EML5: variants seen among roughly 807,000 people sequenced by gnomAD.
The protein encoded by EML5 is EMAP like 5.
EML5 carries 120 observed loss-of-function variants against 250.0 expected under a neutral mutation model. The observed-to-expected ratio is 0.48, with a 90% CI of 0.41 to 0.56. EML5 has a LOEUF of 0.56. Among genes scored for constraint, EML5 ranks in the 20% least tolerant of loss-of-function variants. The pLI is 0.00. For missense variants in EML5, 2,006 were observed against 2,437.6 expected, an observed-to-expected ratio of 0.82 and a Z score of 3.73; for synonymous variants, 771 against 806.5, an observed-to-expected ratio of 0.96 and a Z score of 0.75.
At chr14:88,632,060 C>G (rs12587200) in intron 33 of EML5, among the ~76,000 whole-genome samples, 35,131 of 152,036 alleles carry the variant, frequency 0.23, 4,272 homozygotes, top group East Asian at 0.37. Context: ...AATTTCACTC[C>G]TTATATCTGT....
At chr14:88,714,743 T>C (rs2093464894) in intron 9 of EML5, among the ~76,000 whole-genome samples, 196 bp downstream of exon 9, 1 of 152,166 alleles carries the variant, frequency 6.6e-6, no homozygotes, top group African/African-American at 2.4e-5. Context: ...GGCAGCCTTA[T>C]TGTATTATAT....
rs1438466529 is a variant in EML5, at chr14:88,754,665, T to C, written c.204A>G (p.Ala68=). Reference sequence around the variant, plus strand: ...CTACCAACACTCGTTCAGGATGCAATGCAAGGCTGTAAAATAAGGAAATAA... The same window carrying C: ...CTACCAACACTCGTTCAGGATGCAACGCAAGGCTGTAAAATAAGGAAATAA... The part of the protein sequence containing the change: ...RGHSDDIISL[A]LHPERVLVAT... The change falls in exon 2 of 44, where the codon GCA becomes GCG. Residue 68 remains alanine, a synonymous_variant. Transcript: ENST00000554922. 1.9e-6 allele frequency: 3 copies of C among 1,604,492 alleles called. No individual in the cohort carries two copies. Among genetic ancestry groups the C allele is most frequent in the Non-Finnish European group, 2.6e-6 (3 of 1,176,246 alleles).
intron 25 of EML5, among the ~76,000 whole-genome samples, chr14:88,658,958 G>A (rs1378943010): frequency 6.6e-6 from 1 of 151,952 alleles, no homozygotes; most frequent in East Asian, 1.9e-4. Context: ...GATTGCTTTG[G>A]TACACATATA....
chr14:88,744,013 C>T lies in EML5; in HGVS notation c.525+10G>A, dbSNP rs759909036. On this transcript the variant is annotated intron_variant, in intron 4 of 43. Coordinates refer to ENST00000554922, the MANE Select transcript of EML5 (RefSeq NM_183387.3). ...AACGTGACTATTATAAAACAAGACC[C>T]TTCTAGTACCTTGATATGTTTTACA... is the stretch of plus-strand genomic sequence containing the variant. 5 of 1,544,460 alleles carry T rather than the reference C, an allele frequency of 3.2e-6. No homozygotes were observed. The African/African-American group carries it at 5.4e-5, about 17-fold the overall frequency.
At position 88,621,399 on chromosome 14, in the gene EML5, CT is replaced by C. The variant is rs755515962; in HGVS notation, c.5014-99del. 9 of 1,479,756 alleles carry C rather than the reference CT, an allele frequency of 6.1e-6. No individual in the cohort carries two copies. The Admixed American group carries it at 1.6e-4, about 26-fold the overall frequency. 91.7% of individuals were successfully genotyped at this position (1,479,756 alleles called of 1,614,324 possible). On this transcript the variant is annotated intron_variant, in intron 37 of 43. Coordinates refer to ENST00000554922, the MANE Select transcript of EML5 (RefSeq NM_183387.3). ...ACCCTATTGACCTGCTTTCAGAGAA[CT>C]TTTTGCTTTGAGCTAATCTAGTAGC...
At position 88,709,185 on chromosome 14, in the gene EML5, C is replaced by A. The variant is rs550072888; in HGVS notation, c.1658-2759G>T. Among the ~76,000 whole-genome samples, 7 of 151,684 alleles carry A rather than the reference C, an allele frequency of 4.6e-5. No homozygotes were observed. The South Asian group carries it at 1.5e-3, about 32-fold the overall frequency. On this transcript the variant is annotated intron_variant, in intron 10 of 43. Coordinates refer to ENST00000554922, the MANE Select transcript of EML5 (RefSeq NM_183387.3). ...TAAATATATGAAAATATCTTTCTGA[C>A]CCTAGTAAAAGTAAGAATTTCTTAA...
At chr14:88,705,924 T>A (rs1595594647) in intron 11 of EML5, 1 of 543,008 alleles carries the variant, frequency 1.8e-6, no homozygotes, top group East Asian at 4.2e-5. Flanking sequence ...ACAGATGAAT[T>A]GACATTAGAT....
intron 21 of EML5, among the ~76,000 whole-genome samples, chr14:88,666,466 A>G (rs897479845): frequency 6.6e-6 from 1 of 151,748 alleles, no homozygotes; most frequent in African/African-American, 2.4e-5. Context: ...CCTCAGGTGA[A>G]CCACCTGCCT....
At chr14:88,779,660 C>T (rs2094477909) in intron 1 of EML5, among the ~76,000 whole-genome samples, 1 of 152,174 alleles carries the variant, frequency 6.6e-6, no homozygotes, top group Non-Finnish European at 1.5e-5. Context: ...ATATCCTCTG[C>T]TCTCTGATGT....
At chr14:88,658,068 A>G in intron 26 of EML5, 119 bp downstream of exon 26, 1 of 999,354 alleles carries the variant, frequency 1.0e-6, no homozygotes, top group Non-Finnish European at 1.4e-6. Flanking sequence ...TAAACAGACT[A>G]AAAACAGTAC....
At chr14:88,658,447 C>T in intron 25 of EML5, 59 bp from the exon 26 acceptor site, 1 of 1,332,268 alleles carries the variant, frequency 7.5e-7, no homozygotes, top group Non-Finnish European at 1.0e-6. Context: ...TAAATATTTC[C>T]ATTATGATTT....
chr14:88,736,627 G>T, intron 6 of EML5, 62 bp from the exon 7 acceptor site: 9 of 1,521,344 alleles, frequency 5.9e-6, no homozygotes, highest in Non-Finnish European at 8.1e-6. Context: ...GCAGGAGGCA[G>T]ACAAATCCCT....
chr14:88,651,661 T>C (rs1052039915), intron 27 of EML5, among the ~76,000 whole-genome samples: 1 of 152,036 alleles, frequency 6.6e-6, no homozygotes, highest in Admixed American at 6.6e-5. Context: ...TAATTTTCCT[T>C]AAGTCATATT....
intron 33 of EML5, among the ~76,000 whole-genome samples, chr14:88,631,922 C>T (rs1019352448): frequency 2.6e-5 from 4 of 152,200 alleles, no homozygotes; most frequent in Admixed American, 1.3e-4. Context: ...ACCTAATACT[C>T]ATTCCCCACC....
intron 21 of EML5, 45 bp downstream of exon 21, chr14:88,681,845 A>G: frequency 6.5e-7 from 1 of 1,540,544 alleles, no homozygotes; most frequent in South Asian, 1.3e-5. Context: ...AAAGGTTAGA[A>G]AACTGTGAGA....
At chr14:88,636,720 G>A (rs1478075640) in intron 32 of EML5, among the ~76,000 whole-genome samples, 2 of 152,138 alleles carry the variant, frequency 1.3e-5, no homozygotes, top group Admixed American at 1.3e-4. Context: ...TATGCTAGCT[G>A]TCTCCAAAAC....
At chr14:88,652,039 C>G (rs1269028932) in intron 27 of EML5, among the ~76,000 whole-genome samples, 1 of 152,076 alleles carries the variant, frequency 6.6e-6, no homozygotes, top group Non-Finnish European at 1.5e-5. Context: ...GAGTATTTTA[C>G]CCATTTGTCT....
At chr14:88,636,300 T>A (rs1371408870) in intron 32 of EML5, among the ~76,000 whole-genome samples, 1 of 152,152 alleles carries the variant, frequency 6.6e-6, no homozygotes, top group Non-Finnish European at 1.5e-5. Flanking sequence ...TGGAAAGCAA[T>A]CCCCTTGCTC....
chr14:88,687,903 C>T (rs900503256), intron 18 of EML5, among the ~76,000 whole-genome samples: 1 of 151,944 alleles, frequency 6.6e-6, no homozygotes, highest in African/African-American at 2.4e-5. Flanking sequence ...TAATCTCTAC[C>T]AAAAAAATTT....
Sources: allele counts gnomAD v4.1 joint callset (sites outside exome capture counted in the v4.1 genomes callset), GRCh38; gene constraint gnomAD v4.1.1; transcripts MANE v1.5; gene names NCBI Gene and HGNC (gene_info 2026-07-23, HGNC 2026-07-21).